Variants in FSTL4 observed in about 807,000 individuals in gnomAD.
The protein encoded by FSTL4 is follistatin like 4.
In FSTL4, 28 loss-of-function variants were observed where a neutral mutation model predicts 78.2. The observed-to-expected ratio is 0.36, with a 90% CI of 0.27 to 0.49. The LOEUF (loss-of-function observed/expected upper bound fraction) is 0.49. FSTL4 is among the 20% of genes least tolerant of loss of function. The pLI is 0.98. For synonymous variants in FSTL4, 422 were observed against 440.5 expected (o/e 0.96, Z 0.53); for missense variants, 922 against 1,084.9 (o/e 0.85, Z 2.11).
the FSTL4 span, among the ~76,000 whole-genome samples, chr5:133,777,483 A>G: frequency 1.3e-5 from 2 of 152,194 alleles, no homozygotes; most frequent in Admixed American, 6.5e-5. Flanking sequence ...TTTGAAAACT[A>G]TTTTTTAGAT....
At chr5:133,617,169 C>T (rs374102760), upstream of FSTL4, among the ~76,000 whole-genome samples, 42 of 152,060 alleles carry the variant, frequency 2.8e-4, no homozygotes, top group African/African-American at 8.0e-4. Flanking sequence ...CATGGTGGCA[C>T]GCGCCTATAG....
intron 3 of FSTL4, among the ~76,000 whole-genome samples, chr5:133,451,376 C>G (rs1365351892): frequency 6.6e-6 from 1 of 151,294 alleles, no homozygotes; most frequent in African/African-American, 2.4e-5. Flanking sequence ...GCCTGGCCAA[C>G]ATGGCAAAAC....
intron 3 of FSTL4, among the ~76,000 whole-genome samples, chr5:133,469,939 T>C (rs1418294933): frequency 1.3e-5 from 2 of 151,786 alleles, no homozygotes; most frequent in South Asian, 2.1e-4. Flanking sequence ...AACTCTCTTA[T>C]GCAGAAAAAA....
intron 3 of FSTL4, among the ~76,000 whole-genome samples, chr5:133,421,917 G>A (rs1756704974): frequency 6.6e-6 from 1 of 152,164 alleles, no homozygotes; most frequent in South Asian, 2.1e-4. Context: ...GAAGTGATAA[G>A]TACCATGAAG....
chr5:133,358,748 C>T (rs1300939218), intron 4 of FSTL4, among the ~76,000 whole-genome samples: 7 of 151,958 alleles, frequency 4.6e-5, no homozygotes, highest in South Asian at 4.2e-4. Context: ...TACAGGCGCC[C>T]GCCACCACAC....
intron 3 of FSTL4, among the ~76,000 whole-genome samples, chr5:133,544,298 GA>G (rs1759530508): frequency 6.6e-6 from 1 of 152,048 alleles, no homozygotes; most frequent in African/African-American, 2.4e-5. Flanking sequence ...TGCCACAAAT[GA>G]AGGTGTGTTA....
chr5:133,549,550 T>C (rs1476911845), intron 3 of FSTL4, among the ~76,000 whole-genome samples: 1 of 152,232 alleles, frequency 6.6e-6, no homozygotes, highest in African/African-American at 2.4e-5. Flanking sequence ...AGTTCCTTTC[T>C]GCTGGCTCTT....
intron 3 of FSTL4, among the ~76,000 whole-genome samples, chr5:133,536,436 G>T (rs1223235113): frequency 1.3e-5 from 2 of 151,970 alleles, no homozygotes; most frequent in Admixed American, 6.5e-5. Context: ...TTAAATATTT[G>T]TTTAGTATGC....
At chr5:133,823,796 G>A in the FSTL4 span, among the ~76,000 whole-genome samples, 1 of 152,216 alleles carries the variant, frequency 6.6e-6, no homozygotes, top group South Asian at 2.1e-4. Context: ...GCATGGGGAA[G>A]TCCTCATGCC....
chr5:133,620,379 T>A, the FSTL4 span, among the ~76,000 whole-genome samples: 2 of 152,246 alleles, frequency 1.3e-5, no homozygotes, highest in Non-Finnish European at 2.9e-5. Flanking sequence ...ATTGTCACTC[T>A]ATTTTTCTCT....
intron 8 of FSTL4, 183 bp from the exon 9 acceptor site, chr5:133,226,002 T>C (rs1014475356): frequency 2.3e-5 from 10 of 435,304 alleles, no homozygotes; most frequent in African/African-American, 2.0e-4. Flanking sequence ...GGCTATAAAA[T>C]AGATTGCAGA....
intron 6 of FSTL4, among the ~76,000 whole-genome samples, chr5:133,273,062 G>A (rs778381127): frequency 6.6e-5 from 10 of 152,256 alleles, no homozygotes; most frequent in African/African-American, 2.4e-4. Flanking sequence ...GCTGGGCATA[G>A]GGAGAGGTTA....
At chr5:133,820,636 G>A in the FSTL4 span, among the ~76,000 whole-genome samples, 1 of 152,224 alleles carries the variant, frequency 6.6e-6, no homozygotes, top group African/African-American at 2.4e-5. Flanking sequence ...GAAGAACAAT[G>A]TGACAGGCTC....
chr5:133,666,594 A>AT, the FSTL4 span, among the ~76,000 whole-genome samples: 1 of 151,692 alleles, frequency 6.6e-6, no homozygotes, highest in Non-Finnish European at 1.5e-5. Flanking sequence ...AAAAAAAAAA[A>AT]GTCTGTTTCC....
chr5:133,229,619 A>C (rs1377186812), intron 8 of FSTL4, among the ~76,000 whole-genome samples: 4 of 152,174 alleles, frequency 2.6e-5, no homozygotes, highest in Non-Finnish European at 4.4e-5. Context: ...GAAAAAAGGG[A>C]GTGATTGTCA....
At chr5:133,778,562 G>A in the FSTL4 span, among the ~76,000 whole-genome samples, 1 of 152,166 alleles carries the variant, frequency 6.6e-6, no homozygotes, top group African/African-American at 2.4e-5. Flanking sequence ...CCTCAAGAGA[G>A]CTTGTGGGAA....
chr5:133,825,803 T>A, the FSTL4 span, among the ~76,000 whole-genome samples: 26 of 152,326 alleles, frequency 1.7e-4, no homozygotes, highest in South Asian at 5.0e-3. Context: ...GTCGGTGACA[T>A]CTGCCTGCTC....
chr5:133,376,876 A>T (rs1204778511), intron 4 of FSTL4, among the ~76,000 whole-genome samples: 2 of 125,724 alleles, frequency 1.6e-5, no homozygotes, highest in Non-Finnish European at 3.4e-5. Flanking sequence ...GAGACAGAGC[A>T]AGAGTCTGTC....
chr5:133,454,224 CT>C (rs1216440706), intron 3 of FSTL4, among the ~76,000 whole-genome samples: 2 of 152,078 alleles, frequency 1.3e-5, no homozygotes, highest in Non-Finnish European at 2.9e-5. Flanking sequence ...ATCTGCAATA[CT>C]TTGTTGAAAT....
Sources: gnomAD v4.1 joint callset for allele counts (sites outside exome capture counted in the v4.1 genomes callset) on GRCh38, gnomAD v4.1.1 for gene constraint, MANE v1.5 for transcripts, NCBI Gene and HGNC (gene_info 2026-07-23, HGNC 2026-07-21) for gene names.